The following PLCB4 variants were observed in gnomAD, a reference collection of about 807,000 sequenced individuals.
The protein encoded by PLCB4 is phospholipase C beta 4.
PLCB4 carries 77 observed loss-of-function variants against 178.8 expected under a neutral mutation model. The ratio of observed to expected loss-of-function variants is 0.43; its 90% CI spans 0.36 to 0.52. PLCB4 has a LOEUF of 0.52. PLCB4 is among the 20% of genes least tolerant of loss of function. PLCB4 has a pLI of 0.00. For missense variants in PLCB4, 1,024 were observed against 1,453.4 expected, an observed-to-expected ratio of 0.70 and a Z score of 4.80; for synonymous variants, 496 against 490.8, an observed-to-expected ratio of 1.01 and a Z score of -0.14.
chr20:9,420,548 C>G (rs1478789972), intron 26 of PLCB4, among the ~76,000 whole-genome samples: 2 of 152,058 alleles, frequency 1.3e-5, no homozygotes, highest in Non-Finnish European at 2.9e-5. Flanking sequence ...AGGCTGTTCT[C>G]AAACTCCTAA....
chr20:9,369,037 C>G (rs907462248), intron 9 of PLCB4, among the ~76,000 whole-genome samples: 2 of 152,150 alleles, frequency 1.3e-5, no homozygotes, highest in Admixed American at 1.3e-4. Context: ...CTTCTTGGCC[C>G]CCTCCATCTC....
At chr20:9,134,029 G>C (rs1024493212) in intron 2 of PLCB4, among the ~76,000 whole-genome samples, 3 of 152,204 alleles carry the variant, frequency 2.0e-5, no homozygotes, top group Non-Finnish European at 4.4e-5. Flanking sequence ...ACTGGTTCAA[G>C]GCACTGTCTT....
chr20:9,183,558 A>G (rs563983652), intron 2 of PLCB4, among the ~76,000 whole-genome samples: 124 of 152,314 alleles, frequency 8.1e-4, no homozygotes, highest in African/African-American at 2.9e-3. Context: ...GGAGATATTT[A>G]TTTAGATAAG....
rs868172089 is a variant in PLCB4 at position 9,174,749 on chromosome 20, A to C, written c.-78-42641A>C. Among the ~76,000 whole-genome samples, 4 of 152,306 alleles carry C rather than the reference A, an allele frequency of 2.6e-5. No individual in the cohort carries two copies. In the Middle Eastern group the frequency reaches 0.014, roughly 518 times the overall value. On this transcript the variant is annotated intron_variant, in intron 2 of 39. Coordinates refer to ENST00000378473, the MANE Select transcript of PLCB4 (RefSeq NM_001377142.1). ...GTCATCTGACACTGGAAAATGATATACATTTTGAACTTATGACTGTCATTT... is the reference window on the plus strand; with the variant it reads ...GTCATCTGACACTGGAAAATGATATCCATTTTGAACTTATGACTGTCATTT...
chr20:9,147,295 C>G (rs2092614961), intron 2 of PLCB4, among the ~76,000 whole-genome samples: 1 of 152,094 alleles, frequency 6.6e-6, no homozygotes, highest in South Asian at 2.1e-4. Flanking sequence ...TGTTTCACAA[C>G]TAAGGAACCT....
chr20:9,455,953 G>T (rs2276481), intron 33 of PLCB4, among the ~76,000 whole-genome samples: 25 of 152,070 alleles, frequency 1.6e-4, no homozygotes, highest in African/African-American at 6.0e-4. Context: ...GTCCTGCCTC[G>T]GCTTCCTGAG....
At chr20:9,447,721 A>G (rs1268604405) in intron 32 of PLCB4, among the ~76,000 whole-genome samples, 1 of 152,254 alleles carries the variant, frequency 6.6e-6, no homozygotes, top group Non-Finnish European at 1.5e-5. Context: ...GCTTCATTAA[A>G]TCATCTAGTT....
intron 3 of PLCB4, among the ~76,000 whole-genome samples, chr20:9,251,502 C>A (rs942539325): frequency 7.2e-5 from 11 of 152,172 alleles, no homozygotes; most frequent in African/African-American, 2.7e-4. Context: ...GTAGTGGCAT[C>A]AAGGACCTGG....
intron 7 of PLCB4, among the ~76,000 whole-genome samples, chr20:9,361,981 G>A (rs890398594): frequency 1.3e-5 from 2 of 152,104 alleles, no homozygotes; most frequent in Admixed American, 1.3e-4. Context: ...TAGAGTATAC[G>A]TCTATATTAC....
intron 7 of PLCB4, among the ~76,000 whole-genome samples, chr20:9,355,449 C>T (rs1048861660): frequency 6.6e-6 from 1 of 152,064 alleles, no homozygotes; most frequent in African/African-American, 2.4e-5. Context: ...CCCCCATCCC[C>T]TGACCCCACA....
At chr20:9,218,855 T>G (rs1192846687) in intron 3 of PLCB4, among the ~76,000 whole-genome samples, 1 of 152,168 alleles carries the variant, frequency 6.6e-6, no homozygotes, top group Non-Finnish European at 1.5e-5. Context: ...AAAGAGGAGT[T>G]GGGGAGTAGG....
In PLCB4 at chr20:9,380,071, A is replaced by G. The variant is rs768626949; in HGVS notation, c.762A>G (p.Arg254=). 1 of 1,583,230 alleles carries G rather than the reference A, an allele frequency of 6.3e-7. No individual in the cohort carries two copies. The highest frequency in any genetic ancestry group is 8.7e-7 in the Non-Finnish European group (1 of 1,155,836). The change falls in exon 13 of 40, where the codon CGA becomes CGG. Residue 254 remains arginine (R), a synonymous_variant. Coordinates refer to ENST00000378473, the MANE Select transcript of PLCB4 (RefSeq NM_001377142.1). ...TATCATAGCATCAACGAGATCCTCG[A>G]TTGAATGAAATTTTATTTCCATTTT... The part of the protein sequence containing the change: ...SFLNEHQRDP[R]LNEILFPFYD...
intron 39 of PLCB4, among the ~76,000 whole-genome samples, chr20:9,478,182 C>T (rs1480173672): frequency 6.6e-6 from 1 of 152,110 alleles, no homozygotes; most frequent in Non-Finnish European, 1.5e-5. Flanking sequence ...CCAGACACTG[C>T]CCCCATCATA....
At chr20:9,306,713 G>C (rs2094771686) in intron 3 of PLCB4, among the ~76,000 whole-genome samples, 1 of 152,110 alleles carries the variant, frequency 6.6e-6, no homozygotes, top group East Asian at 1.9e-4. Flanking sequence ...ATTGTTGTAT[G>C]CTCCCCTGTC....
At chr20:9,182,596 G>C (rs778211033) in intron 2 of PLCB4, among the ~76,000 whole-genome samples, 1 of 152,218 alleles carries the variant, frequency 6.6e-6, no homozygotes, top group Non-Finnish European at 1.5e-5. Flanking sequence ...AATAGCAAGT[G>C]ACAGGGAGCT....
rs2036233567 is a variant in PLCB4 at position 9,371,312 on chromosome 20, T to C, written c.585+17T>C. 1 of 1,383,812 alleles carries C rather than the reference T, an allele frequency of 7.2e-7. No homozygotes were observed. The highest frequency in any genetic ancestry group is 1.0e-6 in the Non-Finnish European group (1 of 975,064). 85.7% of individuals were successfully genotyped at this position (1,383,812 alleles called of 1,614,324 possible). On this transcript the variant is annotated intron_variant, in intron 10 of 39. Transcript: ENST00000378473. ...AGTGGAAAGGTATGCATTAACTTAA[T>C]AATGTATTTCTAAAACCATTTTGTT...
At chr20:9,409,867 G>T (rs900684806) in intron 24 of PLCB4, among the ~76,000 whole-genome samples, 2 of 151,962 alleles carry the variant, frequency 1.3e-5, no homozygotes, top group African/African-American at 4.8e-5. Context: ...CAAGACTAGA[G>T]GTAGCAAAAT....
chr20:9,249,044 A>G (rs1304908928), intron 3 of PLCB4, among the ~76,000 whole-genome samples: 1 of 151,988 alleles, frequency 6.6e-6, no homozygotes, highest in Non-Finnish European at 1.5e-5. Context: ...CAAAACCATC[A>G]AGTCTTTCTT....
At chr20:9,180,470 T>C (rs2093227188) in intron 2 of PLCB4, among the ~76,000 whole-genome samples, 1 of 152,170 alleles carries the variant, frequency 6.6e-6, no homozygotes, top group Admixed American at 6.5e-5. Context: ...ATGGGATTGG[T>C]CTATGGAAGG....
Sources: gnomAD v4.1 joint callset for allele counts (sites outside exome capture counted in the v4.1 genomes callset) on GRCh38, gnomAD v4.1.1 for gene constraint, MANE v1.5 for transcripts, NCBI Gene and HGNC (gene_info 2026-07-23, HGNC 2026-07-21) for gene names.